The following ZNF407 variants were observed in gnomAD, a reference collection of about 807,000 sequenced individuals.
ZNF407 encodes the protein zinc finger protein 407.
Under a neutral mutation model 131.2 loss-of-function variants are expected in ZNF407, and 17 were observed. The observed-to-expected ratio is 0.13, with a 90% CI of 0.09 to 0.19. ZNF407 has a LOEUF of 0.19. Among genes scored for constraint, ZNF407 ranks in the 10% least tolerant of loss-of-function variants. The pLI, the probability that ZNF407 is intolerant of heterozygous loss-of-function variation, is 1.00. For missense variants in ZNF407, 2,681 were observed against 2,830.6 expected, an observed-to-expected ratio of 0.95 and a Z score of 1.20; for synonymous variants, 1,156 against 1,062.0, an observed-to-expected ratio of 1.09 and a Z score of -1.72.
At chr18:74,851,746 C>T (rs180836388) in intron 4 of ZNF407, among the ~76,000 whole-genome samples, 5 of 152,252 alleles carry the variant, frequency 3.3e-5, no homozygotes, top group African/African-American at 1.2e-4. Flanking sequence ...TGAGAAAAAT[C>T]GCCAGAGGCC....
At position 74,875,175 on chromosome 18, in the gene ZNF407, A is replaced by G. The variant is rs57703798; in HGVS notation, c.4878-2022A>G. On this transcript the variant is annotated intron_variant, in intron 4 of 8. Transcript: ENST00000299687. ...GTCTTGATCTTTATAAGGACAGTTT[A>G]CATAGGTAATACCGGTTCTTTTTTA... 5.7e-3 allele frequency among the ~76,000 whole-genome samples: 865 copies of G among 152,328 alleles called. 10 individuals are homozygous for G. The highest frequency in any genetic ancestry group is 0.02 in the African/African-American group (840 of 41,560).
At chr18:74,924,221 C>G (rs1219473593) in intron 8 of ZNF407, among the ~76,000 whole-genome samples, 1 of 152,090 alleles carries the variant, frequency 6.6e-6, no homozygotes, top group African/African-American at 2.4e-5. Flanking sequence ...GTACAGTGGT[C>G]TAGTAAGATT....
At chr18:74,792,080 C>A (rs370257978) in intron 4 of ZNF407, among the ~76,000 whole-genome samples, 1 of 152,130 alleles carries the variant, frequency 6.6e-6, no homozygotes, top group Non-Finnish European at 1.5e-5. Flanking sequence ...CAACATTTCC[C>A]CTCCTTGGTT....
At chr18:75,032,107 C>T (rs940936936) in intron 8 of ZNF407, among the ~76,000 whole-genome samples, 3 of 152,156 alleles carry the variant, frequency 2.0e-5, no homozygotes, top group East Asian at 1.9e-4. Flanking sequence ...AACGCCTGGA[C>T]CCGAGAGCTC....
intron 8 of ZNF407, among the ~76,000 whole-genome samples, chr18:75,015,929 T>A (rs1008651041): frequency 6.6e-6 from 1 of 152,078 alleles, no homozygotes; most frequent in African/African-American, 2.4e-5. Flanking sequence ...TTTATAACTT[T>A]TAATGGTATC....
At chr18:74,870,895 G>T (rs1971077350) in intron 4 of ZNF407, among the ~76,000 whole-genome samples, 1 of 152,154 alleles carries the variant, frequency 6.6e-6, no homozygotes, top group African/African-American at 2.4e-5. Flanking sequence ...GGTTACTATG[G>T]AATTATTTGG....
intron 3 of ZNF407, among the ~76,000 whole-genome samples, chr18:74,744,817 G>A (rs1319364108): frequency 4.1e-5 from 2 of 49,284 alleles, no homozygotes; most frequent in African/African-American, 1.2e-4. Flanking sequence ...ACTAAGCAGT[G>A]TATTAGTGTG....
At chr18:74,753,086 T>G (rs1291893821) in intron 3 of ZNF407, among the ~76,000 whole-genome samples, 2 of 152,222 alleles carry the variant, frequency 1.3e-5, no homozygotes, top group Non-Finnish European at 2.9e-5. Context: ...GAAGAGGTCC[T>G]TCACATCCCT....
intron 8 of ZNF407, among the ~76,000 whole-genome samples, chr18:75,043,084 C>A (rs1403977314): frequency 6.6e-6 from 1 of 152,160 alleles, no homozygotes; most frequent in Non-Finnish European, 1.5e-5. Flanking sequence ...TGAGAAATTG[C>A]CAACAAACTG....
At chr18:74,610,722 C>CT (rs199725542) in intron 1 of ZNF407, among the ~76,000 whole-genome samples, 17 of 150,794 alleles carry the variant, frequency 1.1e-4, no homozygotes, top group East Asian at 7.8e-4. Context: ...CTAATTTCTG[C>CT]TTTTTTTTTA....
chr18:74,829,419 A>C (rs1970452756), intron 4 of ZNF407, among the ~76,000 whole-genome samples: 1 of 152,198 alleles, frequency 6.6e-6, no homozygotes. Flanking sequence ...ATCCATCGTA[A>C]CCTTACCTAT....
At chr18:74,727,224 C>T (rs188142367) in intron 3 of ZNF407, among the ~76,000 whole-genome samples, 4 of 151,980 alleles carry the variant, frequency 2.6e-5, no homozygotes, top group Admixed American at 6.5e-5. Context: ...ATGTGTGAAC[C>T]GAGGTCAAGT....
intron 3 of ZNF407, among the ~76,000 whole-genome samples, chr18:74,710,060 C>T (rs1358209116): frequency 6.6e-6 from 1 of 152,144 alleles, no homozygotes; most frequent in Non-Finnish European, 1.5e-5. Context: ...CATGTAAATA[C>T]ACTAAACATG....
At chr18:74,707,330 TA>T (rs1195388350) in intron 3 of ZNF407, among the ~76,000 whole-genome samples, 2 of 152,236 alleles carry the variant, frequency 1.3e-5, no homozygotes, top group African/African-American at 4.8e-5. Context: ...ATAAGTGAAT[TA>T]ATTCTTTAGT....
chr18:74,808,681 A>G (rs182058766), intron 4 of ZNF407, among the ~76,000 whole-genome samples: 2 of 152,108 alleles, frequency 1.3e-5, no homozygotes, highest in African/African-American at 4.8e-5. Context: ...CACCTATTGT[A>G]TATGTTGTTA....
At chr18:74,629,789 A>G (rs972516981) in intron 1 of ZNF407, among the ~76,000 whole-genome samples, 5 of 152,228 alleles carry the variant, frequency 3.3e-5, no homozygotes, top group African/African-American at 1.2e-4. Flanking sequence ...TTGGCTGAAC[A>G]TTCCCATCAT....
At chr18:75,011,308 G>T (rs1270167856) in intron 8 of ZNF407, among the ~76,000 whole-genome samples, 2 of 152,068 alleles carry the variant, frequency 1.3e-5, no homozygotes, top group African/African-American at 4.8e-5. Flanking sequence ...TCCCTTACAC[G>T]TTTTTTGGAA....
In ZNF407 at chr18:75,064,380, C is replaced by A; in HGVS notation, c.6659C>A (p.Ala2220Asp). The A allele has an allele frequency of 1.3e-6, 2 of 1,570,652 alleles. No individual in the cohort carries two copies. The highest frequency in any genetic ancestry group is 1.7e-6 in the Non-Finnish European group (2 of 1,158,252). ...AGAPSRAEQL[A>D]SVVIYTQEGS... Reference sequence around the variant, plus strand: ...GCCCCAAGCAGGGCAGAGCAGCTGGCCAGCGTGGTCATCTACACCCAGGAG... The same window carrying A: ...GCCCCAAGCAGGGCAGAGCAGCTGGACAGCGTGGTCATCTACACCCAGGAG... Residue 2220 changes from alanine to aspartate, a missense_variant, in exon 9 of 9, where the codon GCC (alanine) becomes GAC (aspartate). Ala to Asp is a moderately radical substitution (Grantham distance 126). This residue lies in a region of ZNF407 where 620 missense variants were observed against 583.1 expected (regional missense o/e 1.06). Transcript: ENST00000299687.
intron 4 of ZNF407, among the ~76,000 whole-genome samples, chr18:74,793,914 C>T (rs190395324): frequency 6.6e-5 from 10 of 152,278 alleles, no homozygotes; most frequent in Admixed American, 1.3e-4. Context: ...GGAGAGCTAC[C>T]GCCAGGCTTT....
Sources: gnomAD v4.1 joint callset for allele counts (sites outside exome capture counted in the v4.1 genomes callset) on GRCh38, gnomAD v4.1.1 for gene constraint, gnomAD v4.1.1 regional missense constraint, MANE v1.5 for transcripts, NCBI Gene and HGNC (gene_info 2026-07-23, HGNC 2026-07-21) for gene names.